Variants in SCAPER observed in about 807,000 individuals in gnomAD.
SCAPER encodes the protein S phase cyclin A-associated protein in the endoplasmic reticulum.
A neutral mutation model predicts 182.2 loss-of-function variants in SCAPER; 98 were observed. The ratio of observed to expected loss-of-function variants is 0.54; its 90% CI spans 0.46 to 0.64. The LOEUF is 0.64. Among genes scored for constraint, SCAPER ranks in the 30% least tolerant of loss-of-function variants. The pLI, the probability that SCAPER is intolerant of heterozygous loss-of-function variation, is 0.00. For missense variants in SCAPER, 1,432 were observed against 1,690.0 expected, an observed-to-expected ratio of 0.85 and a Z score of 2.68; for synonymous variants, 605 against 564.6, an observed-to-expected ratio of 1.07 and a Z score of -1.01.
intron 5 of SCAPER, among the ~76,000 whole-genome samples, chr15:76,818,182 C>T (rs2067237136): frequency 6.6e-6 from 1 of 152,112 alleles, no homozygotes; most frequent in South Asian, 2.1e-4. Flanking sequence ...CGTACAAAGC[C>T]AATACAAGGG....
At chr15:76,349,855 A>G (rs1234272374) in intron 31 of SCAPER, 4 of 151,948 alleles carry the variant, frequency 2.6e-5, no homozygotes, top group Non-Finnish European at 4.4e-5. Context: ...CAGTCCACCA[A>G]GCAGAGAGAG....
chr15:76,376,443 C>T (rs2141895255), intron 28 of SCAPER, 132 bp from the exon 29 acceptor site: 1 of 968,426 alleles, frequency 1.0e-6, no homozygotes, highest in Non-Finnish European at 1.5e-6. Context: ...CAGTACTATG[C>T]TTAATGCTTT....
chr15:76,772,226 T>C (rs1348842828), intron 9 of SCAPER, among the ~76,000 whole-genome samples: 1 of 152,064 alleles, frequency 6.6e-6, no homozygotes, highest in Admixed American at 6.6e-5. Context: ...AATTTTCTTG[T>C]AGTAGGCCAA....
At chr15:76,500,936 G>T (rs12902414) in intron 24 of SCAPER, among the ~76,000 whole-genome samples, 1 of 151,524 alleles carries the variant, frequency 6.6e-6, no homozygotes, top group South Asian at 2.1e-4. Flanking sequence ...CCAGTTACTC[G>T]GGAGGCTGAG....
intron 22 of SCAPER, among the ~76,000 whole-genome samples, chr15:76,617,796 A>G (rs1048115415): frequency 2.0e-5 from 3 of 152,212 alleles, no homozygotes; most frequent in Admixed American, 1.3e-4. Context: ...TTCAAGAGGA[A>G]GGGAAACAGA....
chr15:76,577,021 A>T (rs1184044987), intron 22 of SCAPER: 2 of 152,120 alleles, frequency 1.3e-5, no homozygotes, highest in African/African-American at 4.8e-5. Flanking sequence ...TGAACTTGGG[A>T]AGAATGTGAC....
rs143393478 is a variant in SCAPER at position 76,461,266 on chromosome 15, G to A, written c.3078+9946C>T. Among the ~76,000 whole-genome samples, 880 of 151,734 alleles carry A rather than the reference G, an allele frequency of 5.8e-3. 16 individuals are homozygous for A. The highest frequency in any genetic ancestry group is 0.019 in the African/African-American group (806 of 41,430). On this transcript the variant is annotated intron_variant, in intron 25 of 31. Coordinates refer to ENST00000563290, the MANE Select transcript of SCAPER (RefSeq NM_020843.4). ...AGCAACATCAGTAGTAGTGATGTTA[G>A]TTTTGATAACTTGGTTAAAGTGGTG...
At chr15:76,574,115 A>T in intron 23 of SCAPER, 43 bp downstream of exon 23, 2 of 1,563,430 alleles carry the variant, frequency 1.3e-6, no homozygotes, top group Non-Finnish European at 1.7e-6. Flanking sequence ...GTGAGAAAGG[A>T]TCACAAAGAT....
intron 6 of SCAPER, among the ~76,000 whole-genome samples, chr15:76,802,970 C>T (rs2065902237): frequency 6.6e-6 from 1 of 152,190 alleles, no homozygotes; most frequent in Non-Finnish European, 1.5e-5. Context: ...ATTCTCCCTA[C>T]TGTTACTACC....
intron 20 of SCAPER, among the ~76,000 whole-genome samples, chr15:76,700,538 G>C (rs756439172): frequency 1.6e-4 from 25 of 152,062 alleles, no homozygotes; most frequent in Non-Finnish European, 2.8e-4. Flanking sequence ...TTCAGCCCAG[G>C]GTGTGCCTTC....
rs1367864999 is a variant in SCAPER at position 76,602,535 on chromosome 15, T to C, written c.2711+19229A>G. 6.6e-5 allele frequency among the ~76,000 whole-genome samples: 8 copies of C among 120,996 alleles called. 2 individuals are homozygous for C. The highest frequency in any genetic ancestry group is 2.0e-4 in the African/African-American group (8 of 39,724). The allele number at this position is 120,996 out of a possible 152,430, so 79.4% of individuals were successfully genotyped here. On this transcript the variant is annotated intron_variant, in intron 22 of 31. Transcript: ENST00000563290. ...GCTCACAGGTAGAATTTTTTGTTTT[T>C]GTTTTTTGGGGGAAGCATTTATCTT...
intron 24 of SCAPER, among the ~76,000 whole-genome samples, chr15:76,472,858 C>T (rs2050300946): frequency 6.6e-6 from 1 of 152,170 alleles, no homozygotes; most frequent in Non-Finnish European, 1.5e-5. Context: ...GCACAAATCC[C>T]TTGTGGTATG....
intron 20 of SCAPER, among the ~76,000 whole-genome samples, chr15:76,692,284 T>C (rs912917592): frequency 6.6e-6 from 1 of 152,202 alleles, no homozygotes; most frequent in Non-Finnish European, 1.5e-5. Context: ...TGAGTAATAA[T>C]GGAAATCGTT....
chr15:76,844,107 C>T (rs2069771963), intron 4 of SCAPER, among the ~76,000 whole-genome samples: 1 of 152,014 alleles, frequency 6.6e-6, no homozygotes, highest in South Asian at 2.1e-4. Context: ...AATTCTTAAT[C>T]GGGTAACTAT....
At chr15:76,439,087 ATTTTTTT>A (rs547381211) in intron 25 of SCAPER, among the ~76,000 whole-genome samples, 1 of 146,868 alleles carries the variant, frequency 6.8e-6, no homozygotes, top group Non-Finnish European at 1.5e-5. Context: ...AGACAAAATG[ATTTTTTT>A]TTTTTTAAGA....
chr15:76,855,728 C>A (rs1273835998), intron 4 of SCAPER: 3 of 249,066 alleles, frequency 1.2e-5, no homozygotes, highest in African/African-American at 4.4e-5. Context: ...GATACCACTT[C>A]ACACCAGTCG....
At chr15:76,627,353 C>T (rs2052681058) in intron 21 of SCAPER, among the ~76,000 whole-genome samples, 1 of 151,974 alleles carries the variant, frequency 6.6e-6, no homozygotes, top group South Asian at 2.1e-4. Flanking sequence ...ATCCATGAAT[C>T]TTTTTTTCCA....
chr15:76,793,103 G>C lies in SCAPER; in HGVS notation c.772+2177C>G, dbSNP rs2065103916. 8 of 571,608 alleles carry C rather than the reference G, an allele frequency of 1.4e-5. No individual in the cohort carries two copies. In the East Asian group the frequency reaches 2.7e-4, roughly 19 times the overall value. 35.4% of individuals were successfully genotyped at this position (571,608 alleles called of 1,614,324 possible). ...AATCATTTTATACCATTTTAGCTGGGTTTGGGGAAGAGAACATTAAATGCA... is the reference window on the plus strand; with the variant it reads ...AATCATTTTATACCATTTTAGCTGGCTTTGGGGAAGAGAACATTAAATGCA... On this transcript the variant is annotated intron_variant, in intron 8 of 31. Coordinates refer to ENST00000563290, the MANE Select transcript of SCAPER (RefSeq NM_020843.4).
chr15:76,498,084 C>T (rs1019054316), intron 24 of SCAPER, among the ~76,000 whole-genome samples: 1 of 145,898 alleles, frequency 6.9e-6, no homozygotes, highest in African/African-American at 2.5e-5. Flanking sequence ...TGTAACAAGA[C>T]ATTCCTTTAA....
Sources: gnomAD v4.1 joint callset for allele counts (sites outside exome capture counted in the v4.1 genomes callset) on GRCh38, gnomAD v4.1.1 for gene constraint, MANE v1.5 for transcripts, NCBI Gene and HGNC (gene_info 2026-07-23, HGNC 2026-07-21) for gene names.